ARSJ: variants seen among roughly 807,000 people sequenced by gnomAD.
ARSJ encodes arylsulfatase J.
In ARSJ, 26 loss-of-function variants were observed where a neutral mutation model predicts 35.9. The observed-to-expected ratio is 0.72, with a 90% confidence interval of 0.53 to 1.00. The LOEUF (loss-of-function observed/expected upper bound fraction) is 1.00. Among genes scored for constraint, ARSJ ranks in the 50% least tolerant of loss-of-function variants. The pLI, the probability that ARSJ is intolerant of heterozygous loss-of-function variation, is 0.00. For missense variants in ARSJ, 667 were observed against 723.6 expected (o/e 0.92, Z 0.90); for synonymous variants, 294 against 267.6 (o/e 1.10, Z -0.96).
intron 1 of ARSJ, among the ~76,000 whole-genome samples, chr4:113,926,043 G>A (rs978699539): frequency 1.3e-5 from 2 of 152,084 alleles, no homozygotes; most frequent in African/African-American, 4.8e-5. Flanking sequence ...GGGATGGCTG[G>A]GGAAAGAGGC....
chr4:113,905,660 ATTTTTT>A lies in ARSJ; in HGVS notation c.399-1991_399-1986del, dbSNP rs766150372. ...GAAGGCATTGTTACTGTTCTTGATAATTTTTTTTTTTTTTTTTTTTTTTTTTTTAGA... is the reference window on the plus strand; with the variant it reads ...GAAGGCATTGTTACTGTTCTTGATAATTTTTTTTTTTTTTTTTTTTTTAGA... On this transcript the variant is annotated intron_variant, in intron 1 of 1. Coordinates refer to ENST00000315366, the MANE Select transcript of ARSJ (RefSeq NM_024590.4). 3.3e-4 allele frequency among the ~76,000 whole-genome samples: 27 copies of A among 81,854 alleles called. 1 individual carries two copies. In the South Asian group the frequency reaches 0.013, roughly 39 times the overall value. 53.7% of individuals were successfully genotyped at this position (81,854 alleles called of 152,430 possible). A position where few individuals can be genotyped will look rare whatever the true frequency, so the allele number is the denominator to read the frequency against.
chr4:113,948,061 C>A (rs1278556583), intron 1 of ARSJ, among the ~76,000 whole-genome samples: 1 of 151,888 alleles, frequency 6.6e-6, no homozygotes, highest in Non-Finnish European at 1.5e-5. Flanking sequence ...TGGTGGTGCA[C>A]ACATGTAGTT....
intron 1 of ARSJ, among the ~76,000 whole-genome samples, chr4:113,932,579 G>A (rs1296487403): frequency 3.3e-5 from 5 of 151,878 alleles, no homozygotes; most frequent in Non-Finnish European, 4.4e-5. Flanking sequence ...ACAAACACAT[G>A]GAAATTAGAC....
intron 1 of ARSJ, among the ~76,000 whole-genome samples, chr4:113,942,933 A>G (rs79429302): frequency 0.02 from 3,097 of 152,120 alleles, 82 homozygotes; most frequent in African/African-American, 0.07. Context: ...AAAAAAAGTA[A>G]CAACTTGCAG....
chr4:113,925,955 C>T (rs1199761597), intron 1 of ARSJ, among the ~76,000 whole-genome samples: 1 of 152,106 alleles, frequency 6.6e-6, no homozygotes, highest in African/African-American at 2.4e-5. Context: ...GAGTGGAAGT[C>T]CATGTTGTGG....
intron 1 of ARSJ, among the ~76,000 whole-genome samples, chr4:113,913,823 A>G (rs1723102251): frequency 6.6e-6 from 1 of 152,184 alleles, no homozygotes; most frequent in African/African-American, 2.4e-5. Context: ...ACTAGGGAGT[A>G]GCTTAAATAC....
At chr4:113,931,637 C>T (rs1331179371) in intron 1 of ARSJ, among the ~76,000 whole-genome samples, 1 of 152,052 alleles carries the variant, frequency 6.6e-6, no homozygotes, top group East Asian at 1.9e-4. Context: ...AAGTATGTTT[C>T]TCCTCTGAGC....
chr4:113,954,160 G>C (rs1433779603), intron 1 of ARSJ, among the ~76,000 whole-genome samples: 1 of 151,896 alleles, frequency 6.6e-6, no homozygotes, highest in African/African-American at 2.4e-5. Context: ...GTACATATTT[G>C]AATATATCCA....
chr4:113,936,627 T>C (rs562795541), intron 1 of ARSJ, among the ~76,000 whole-genome samples: 2 of 152,046 alleles, frequency 1.3e-5, no homozygotes, highest in African/African-American at 4.8e-5. Context: ...AAATTAGTTA[T>C]TAAAAATATT....
chr4:113,959,119 A>G (rs1341153457), intron 1 of ARSJ, among the ~76,000 whole-genome samples: 1 of 152,090 alleles, frequency 6.6e-6, no homozygotes, highest in Non-Finnish European at 1.5e-5. Context: ...GTCTGAAGAG[A>G]ACATTTCTTT....
intron 1 of ARSJ, among the ~76,000 whole-genome samples, chr4:113,912,751 G>A: frequency 6.6e-6 from 1 of 151,910 alleles, no homozygotes; most frequent in East Asian, 1.9e-4. Context: ...GTGTGTGTGT[G>A]TGTGTGTGTG....
intron 1 of ARSJ, among the ~76,000 whole-genome samples, chr4:113,908,754 AACTT>A (rs1336687806): frequency 7.2e-5 from 11 of 152,192 alleles, no homozygotes; most frequent in South Asian, 4.1e-4. Flanking sequence ...AACATTATAA[AACTT>A]ACACAGAATA....
At chr4:113,945,375 T>A (rs1460508063) in intron 1 of ARSJ, among the ~76,000 whole-genome samples, 1 of 152,100 alleles carries the variant, frequency 6.6e-6, no homozygotes, top group Non-Finnish European at 1.5e-5. Context: ...TGGGCTCAAG[T>A]GATCCTCCCA....
At chr4:113,969,651 A>T (rs1482796210) in intron 1 of ARSJ, among the ~76,000 whole-genome samples, 2 of 152,196 alleles carry the variant, frequency 1.3e-5, no homozygotes, top group African/African-American at 2.4e-5. Context: ...CATCTCAGAA[A>T]TATCAAAAAA....
At chr4:113,927,999 G>A (rs1230833504) in intron 1 of ARSJ, among the ~76,000 whole-genome samples, 2 of 152,144 alleles carry the variant, frequency 1.3e-5, no homozygotes, top group African/African-American at 4.8e-5. Context: ...TGCTAAGTAT[G>A]TCTATGACAA....
intron 1 of ARSJ, among the ~76,000 whole-genome samples, chr4:113,911,260 G>A (rs1010129814): frequency 6.6e-6 from 1 of 152,154 alleles, no homozygotes; most frequent in Non-Finnish European, 1.5e-5. Flanking sequence ...AGTCTATAGA[G>A]GTAAGTAGGT....
At chr4:113,939,412 T>C (rs1194101605) in intron 1 of ARSJ, among the ~76,000 whole-genome samples, 1 of 151,938 alleles carries the variant, frequency 6.6e-6, no homozygotes, top group Non-Finnish European at 1.5e-5. Flanking sequence ...TTATAGTCCT[T>C]TGGGTATATA....
intron 1 of ARSJ, among the ~76,000 whole-genome samples, chr4:113,906,102 GTA>G (rs996538799): frequency 2.6e-5 from 4 of 152,112 alleles, no homozygotes; most frequent in African/African-American, 9.7e-5. Context: ...TGACAAATTA[GTA>G]AATACCCATT....
chr4:113,913,968 T>A (rs575018162), intron 1 of ARSJ, among the ~76,000 whole-genome samples: 1 of 152,224 alleles, frequency 6.6e-6, no homozygotes, highest in East Asian at 1.9e-4. Context: ...CTTTCATTTT[T>A]AAATTTTTAT....
Sources: allele counts gnomAD v4.1 joint callset (sites outside exome capture counted in the v4.1 genomes callset), GRCh38; gene constraint gnomAD v4.1.1; transcripts MANE v1.5; gene names NCBI Gene and HGNC (gene_info 2026-07-23, HGNC 2026-07-21).